Variants in WWC1 observed in about 807,000 individuals in gnomAD.
WWC1 encodes WW and C2 domain containing 1, also known as protein KIBRA.
WWC1 carries 55 observed loss-of-function variants against 138.4 expected under a neutral mutation model. The ratio of observed to expected loss-of-function variants is 0.40; its 90% CI spans 0.32 to 0.50. WWC1 has a LOEUF of 0.50. Ranked by LOEUF, WWC1 falls within the 20% of genes least tolerant of loss-of-function variation. The pLI, the probability that WWC1 is intolerant of heterozygous loss-of-function variation, is 0.72. For synonymous variants in WWC1, 524 were observed against 564.9 expected (o/e 0.93, Z 1.03); for missense variants, 1,226 against 1,420.4 (o/e 0.86, Z 2.20).
intron 1 of WWC1, among the ~76,000 whole-genome samples, chr5:168,362,498 A>C (rs1775955450): frequency 6.6e-6 from 1 of 152,204 alleles, no homozygotes; most frequent in African/African-American, 2.4e-5. Flanking sequence ...ATGGGGACAA[A>C]GTGCATCCAG....
chr5:168,385,605 A>G (rs1417751058), intron 3 of WWC1, among the ~76,000 whole-genome samples, 191 bp downstream of exon 3: 1 of 152,028 alleles, frequency 6.6e-6, no homozygotes, highest in Non-Finnish European at 1.5e-5. Context: ...TTTGCGTTTC[A>G]TTTTATTTCA....
intron 17 of WWC1, among the ~76,000 whole-genome samples, chr5:168,446,550 G>A (rs953830136): frequency 5.3e-5 from 8 of 152,122 alleles, no homozygotes; most frequent in African/African-American, 1.9e-4. Flanking sequence ...ATTCACCTAA[G>A]CATAGAGCTG....
At chr5:168,364,866 G>T (rs887055465) in intron 1 of WWC1, among the ~76,000 whole-genome samples, 1 of 152,176 alleles carries the variant, frequency 6.6e-6, no homozygotes, top group Non-Finnish European at 1.5e-5. Flanking sequence ...TCTGGCTGGG[G>T]TGCATCTCGC....
chr5:168,328,437 A>G (rs1358414714), intron 1 of WWC1, among the ~76,000 whole-genome samples: 1 of 152,132 alleles, frequency 6.6e-6, no homozygotes, highest in African/African-American at 2.4e-5. Context: ...CACGATCTCT[A>G]GAGGGTGAAG....
intron 1 of WWC1, among the ~76,000 whole-genome samples, chr5:168,365,911 C>A (rs1776256363): frequency 6.6e-6 from 1 of 152,218 alleles, no homozygotes; most frequent in South Asian, 2.1e-4. Context: ...TTTTCGGCAG[C>A]CCGAGTTGTG....
At chr5:168,356,357 C>T (rs756818726) in intron 1 of WWC1, among the ~76,000 whole-genome samples, 4 of 152,266 alleles carry the variant, frequency 2.6e-5, no homozygotes, top group African/African-American at 7.2e-5. Context: ...CAAGCTCTCA[C>T]GGCTGTGAAC....
intron 5 of WWC1, among the ~76,000 whole-genome samples, chr5:168,403,006 T>TCTC: frequency 9.5e-6 from 1 of 105,694 alleles, no homozygotes; most frequent in East Asian, 2.6e-4. Flanking sequence ...TGTTGTTTCT[T>TCTC]TTTCTTTCTT....
At chr5:168,378,557 C>T (rs1198144202) in intron 2 of WWC1, among the ~76,000 whole-genome samples, 1 of 152,024 alleles carries the variant, frequency 6.6e-6, no homozygotes, top group African/African-American at 2.4e-5. Flanking sequence ...ATGTTACTTT[C>T]TTTGTGATAA....
Position 168,380,930 on chromosome 5 carries a change from C to G in WWC1, c.230-4281C>G, listed in dbSNP as rs34990715. ...TGTGTGAGTCCATGCATGTGAAGTT[C>G]TAAAACAGGCAAACTGGGAGAGGGG... On this transcript the variant is annotated intron_variant, in intron 2 of 22. Transcript: ENST00000265293. 5.3e-3 allele frequency among the ~76,000 whole-genome samples: 801 copies of G among 152,212 alleles called. 5 individuals are homozygous for G. Among genetic ancestry groups the G allele is most frequent in the African/African-American group, 0.018 (744 of 41,534 alleles).
In WWC1 at chr5:168,419,780, G is replaced by A. The variant is rs148436933; in HGVS notation, c.1185-2228G>A. On this transcript the variant is annotated intron_variant, in intron 9 of 22. Transcript: ENST00000265293. Reference sequence around the variant, plus strand: ...TAGTGGGCCCACTCCAGGGGTTGGAGAGCCATTCCAGGGGCAAAGACACAC... The same window carrying A: ...TAGTGGGCCCACTCCAGGGGTTGGAAAGCCATTCCAGGGGCAAAGACACAC... 5.3e-5 allele frequency among the ~76,000 whole-genome samples: 8 copies of A among 152,272 alleles called. No individual in the cohort carries two copies. The East Asian group carries it at 1.5e-3, about 29-fold the overall frequency.
At chr5:168,444,663 T>C in intron 17 of WWC1, 78 bp downstream of exon 17, 2 of 1,491,162 alleles carry the variant, frequency 1.3e-6, no homozygotes, top group Non-Finnish European at 1.8e-6. Flanking sequence ...CCAATGCCAG[T>C]GCAACTAAGA....
intron 17 of WWC1, among the ~76,000 whole-genome samples, chr5:168,447,088 A>G (rs1319190800): frequency 3.3e-5 from 5 of 152,168 alleles, no homozygotes; most frequent in Non-Finnish European, 7.3e-5. Context: ...GCTGAATATC[A>G]CAGCTGTAAA....
intron 1 of WWC1, among the ~76,000 whole-genome samples, chr5:168,294,485 C>T (rs1372701883): frequency 6.6e-6 from 1 of 152,168 alleles, no homozygotes; most frequent in African/African-American, 2.4e-5. Context: ...AAGGCCACAG[C>T]ACCTCACCTG....
intron 20 of WWC1, among the ~76,000 whole-genome samples, chr5:168,461,499 T>C (rs1430373416): frequency 6.6e-6 from 1 of 152,176 alleles, no homozygotes; most frequent in African/African-American, 2.4e-5. Context: ...GAAGTGCAAA[T>C]GGGCTTCCCT....
chr5:168,406,454 G>A, intron 6 of WWC1, 127 bp downstream of exon 6: 1 of 1,406,750 alleles, frequency 7.1e-7, no homozygotes, highest in Non-Finnish European at 9.7e-7. Flanking sequence ...GTCTTCCTGG[G>A]GTTTTGGTTC....
At chr5:168,411,995 A>G (rs1780265401) in intron 8 of WWC1, 1 of 985,316 alleles carries the variant, frequency 1.0e-6, no homozygotes, top group Non-Finnish European at 1.2e-6. Flanking sequence ...TGTCCTATGT[A>G]CTATTTCAGC....
At chr5:168,382,115 G>A (rs540360296) in intron 2 of WWC1, among the ~76,000 whole-genome samples, 3 of 152,090 alleles carry the variant, frequency 2.0e-5, no homozygotes, top group South Asian at 2.1e-4. Flanking sequence ...ATTTCCCATC[G>A]AGGTCTGGTT....
intron 2 of WWC1, among the ~76,000 whole-genome samples, chr5:168,381,094 A>G (rs13171196): frequency 0.59 from 90,045 of 151,974 alleles, 27,113 homozygotes; most frequent in African/African-American, 0.65. Context: ...CCAGTGTGCA[A>G]CCAGTTTGAG....
At chr5:168,405,354 T>C (rs1225437408) in intron 5 of WWC1, among the ~76,000 whole-genome samples, 1 of 152,194 alleles carries the variant, frequency 6.6e-6, no homozygotes, top group African/African-American at 2.4e-5. Flanking sequence ...CAGCATCTTG[T>C]GGGGTGAGGC....
Sources: gnomAD v4.1 joint callset for allele counts (sites outside exome capture counted in the v4.1 genomes callset) on GRCh38, gnomAD v4.1.1 for gene constraint, MANE v1.5 for transcripts, NCBI Gene and HGNC (gene_info 2026-07-23, HGNC 2026-07-21) for gene names.